Variants in NELL1 observed in about 807,000 individuals in gnomAD.
The protein encoded by NELL1 is neural EGFL like 1.
A neutral mutation model predicts 107.4 loss-of-function variants in NELL1; 76 were observed. That is an observed-to-expected ratio of 0.71 (90% confidence interval 0.59 to 0.86). The LOEUF (loss-of-function observed/expected upper bound fraction) is 0.86. NELL1 is among the 40% of genes least tolerant of loss of function. The pLI is 0.00. For synonymous variants in NELL1, 353 were observed against 341.2 expected (o/e 1.03, Z -0.38); for missense variants, 1,024 against 1,005.5 (o/e 1.02, Z -0.25).
At chr11:21,486,487 A>G (rs913363084) in intron 15 of NELL1, among the ~76,000 whole-genome samples, 3 of 152,242 alleles carry the variant, frequency 2.0e-5, no homozygotes, top group African/African-American at 7.2e-5. Context: ...GCCTTCTCCT[A>G]TGAAAGCAAG....
At chr11:20,773,382 A>G (rs2133971029) in intron 2 of NELL1, 1 of 152,318 alleles carries the variant, frequency 6.6e-6, no homozygotes, top group Admixed American at 6.5e-5. Flanking sequence ...TCTTTATACT[A>G]TCCCCATGGG....
At chr11:20,679,545 C>T (rs932677259) in intron 2 of NELL1, among the ~76,000 whole-genome samples, 1 of 152,114 alleles carries the variant, frequency 6.6e-6, no homozygotes, top group Non-Finnish European at 1.5e-5. Flanking sequence ...TCACTTACTC[C>T]TTACTAATGA....
intron 15 of NELL1, among the ~76,000 whole-genome samples, chr11:21,397,537 T>C (rs1403429372): frequency 1.3e-5 from 2 of 151,644 alleles, no homozygotes; most frequent in Non-Finnish European, 3.0e-5. Context: ...AAAATACATA[T>C]TGTATTATTT....
intron 2 of NELL1, among the ~76,000 whole-genome samples, chr11:20,758,860 C>T (rs1856356109): frequency 6.6e-6 from 1 of 152,150 alleles, no homozygotes; most frequent in Admixed American, 6.5e-5. Flanking sequence ...GTTTTAGAGT[C>T]TCTTCTATTA....
intron 4 of NELL1, among the ~76,000 whole-genome samples, chr11:20,854,276 T>A (rs1848840669): frequency 6.6e-6 from 1 of 152,200 alleles, no homozygotes; most frequent in African/African-American, 2.4e-5. Flanking sequence ...TCTCTGGGCT[T>A]TAGCTTCCTA....
chr11:21,563,923 G>A lies in NELL1; in HGVS notation c.1980+3541G>A, dbSNP rs1227175007. On this transcript the variant is annotated intron_variant, in intron 17 of 19. Transcript: ENST00000357134. The stretch of plus-strand genomic sequence containing the variant: ...AAGAGGGAACTGTAAGAACAAAGAT[G>A]AGGAAGTGTAAGAATATATGTTGTG... Among the ~76,000 whole-genome samples, 4 of 152,092 alleles carry A rather than the reference G, an allele frequency of 2.6e-5. No individual in the cohort carries two copies. In the South Asian group the frequency reaches 6.2e-4, roughly 24 times the overall value.
intron 15 of NELL1, among the ~76,000 whole-genome samples, chr11:21,501,230 A>G (rs1206952444): frequency 1.3e-5 from 2 of 152,126 alleles, no homozygotes; most frequent in Non-Finnish European, 2.9e-5. Context: ...TTTCCATGGG[A>G]TGCAAATCTT....
intron 15 of NELL1, among the ~76,000 whole-genome samples, chr11:21,515,148 T>A (rs1047546147): frequency 1.3e-5 from 2 of 152,180 alleles, no homozygotes; most frequent in Non-Finnish European, 2.9e-5. Flanking sequence ...TATGTAAACA[T>A]GTGCATGATT....
chr11:20,904,747 G>C (rs1001531440), intron 5 of NELL1, among the ~76,000 whole-genome samples: 4 of 152,032 alleles, frequency 2.6e-5, no homozygotes, highest in Admixed American at 2.0e-4. Flanking sequence ...GGTTGGAGGA[G>C]TCTCTCTCTC....
intron 14 of NELL1, among the ~76,000 whole-genome samples, chr11:21,362,808 G>T (rs575049547): frequency 1.3e-5 from 2 of 152,130 alleles, no homozygotes; most frequent in Admixed American, 6.5e-5. Context: ...AGGTGGGGGA[G>T]GCTTACGCAA....
At chr11:20,789,603 CT>C (rs1249699618) in intron 3 of NELL1, among the ~76,000 whole-genome samples, 2 of 152,188 alleles carry the variant, frequency 1.3e-5, no homozygotes, top group Admixed American at 6.5e-5. Flanking sequence ...TGTGTTACAT[CT>C]TTTTTAGCCT....
chr11:21,136,568 C>G (rs775346679), intron 13 of NELL1, among the ~76,000 whole-genome samples: 9 of 152,134 alleles, frequency 5.9e-5, no homozygotes, highest in Non-Finnish European at 1.3e-4. Context: ...CAGGAAATGA[C>G]TCTGTCCATA....
At chr11:21,378,570 C>T (rs7105978) in intron 15 of NELL1, among the ~76,000 whole-genome samples, 33,692 of 151,668 alleles carry the variant, frequency 0.22, 4,444 homozygotes, top group African/African-American at 0.38. Flanking sequence ...TTCTCCAACT[C>T]CACCCAAGGA....
chr11:21,395,840 A>C (rs2133789752), intron 15 of NELL1, among the ~76,000 whole-genome samples: 1 of 151,672 alleles, frequency 6.6e-6, no homozygotes, highest in South Asian at 2.1e-4. Context: ...AAAACAACAA[A>C]AAAGCAACAT....
chr11:20,851,690 A>T lies in NELL1; in HGVS notation c.506+3937A>T, dbSNP rs565087032. On this transcript the variant is annotated intron_variant, in intron 4 of 19. Transcript: ENST00000357134. ...TCTTTATTTGTAACTTTTAATTTTC[A>T]TTCAGCCCATCAAATTTATTTATTG... Among the ~76,000 whole-genome samples, 29 of 152,300 alleles carry T rather than the reference A, an allele frequency of 1.9e-4. No homozygotes were observed. In the South Asian group the frequency reaches 6.0e-3, roughly 32 times the overall value.
chr11:21,551,255 G>T (rs1394304235), intron 16 of NELL1, among the ~76,000 whole-genome samples: 1 of 151,988 alleles, frequency 6.6e-6, no homozygotes, highest in Non-Finnish European at 1.5e-5. Flanking sequence ...AGACCATAGG[G>T]TTTTCTACAT....
intron 12 of NELL1, among the ~76,000 whole-genome samples, chr11:21,018,570 C>G (rs1852624526): frequency 6.6e-6 from 1 of 152,070 alleles, no homozygotes; most frequent in Non-Finnish European, 1.5e-5. Context: ...CTATTTTCCT[C>G]TCTGTCAGTC....
At chr11:21,467,480 A>C (rs1015706888) in intron 15 of NELL1, among the ~76,000 whole-genome samples, 1 of 152,040 alleles carries the variant, frequency 6.6e-6, no homozygotes, top group African/African-American at 2.4e-5. Flanking sequence ...AAAAATATCA[A>C]CTGTAAGAAA....
chr11:20,687,612 G>A (rs61880542), intron 2 of NELL1, among the ~76,000 whole-genome samples: 48 of 145,242 alleles, frequency 3.3e-4, no homozygotes, highest in Non-Finnish European at 5.3e-4. Flanking sequence ...TTTTTTTTCC[G>A]TGACAGTTTT....
Sources: allele counts gnomAD v4.1 joint callset (sites outside exome capture counted in the v4.1 genomes callset), GRCh38; gene constraint gnomAD v4.1.1; transcripts MANE v1.5; gene names NCBI Gene and HGNC (gene_info 2026-07-23, HGNC 2026-07-21).